FGF7: variants seen among roughly 807,000 people sequenced by gnomAD.
The protein encoded by FGF7 is fibroblast growth factor 7.
Under a neutral mutation model 20.5 loss-of-function variants are expected in FGF7, and 6 were observed. The observed-to-expected ratio is 0.29, with a 90% CI of 0.16 to 0.58. The LOEUF is 0.58. Among genes scored for constraint, FGF7 ranks in the 20% least tolerant of loss-of-function variants. The probability of loss-of-function intolerance (pLI) is 0.90; values close to 1 mark genes in which losing one functional copy is unlikely to be tolerated. For missense variants in FGF7, 144 were observed against 228.8 expected (o/e 0.63, Z 2.39); for synonymous variants, 64 against 74.7 (o/e 0.86, Z 0.74).
At chr15:49,479,243 TTC>T (rs59700895) in intron 2 of FGF7, among the ~76,000 whole-genome samples, 1 of 151,628 alleles carries the variant, frequency 6.6e-6, no homozygotes, top group Non-Finnish European at 1.5e-5. Flanking sequence ...CATGAGCTGA[TTC>T]TCTCTCTCTT....
chr15:49,425,411 T>C (rs1597105816), intron 2 of FGF7: 1 of 152,028 alleles, frequency 6.6e-6, no homozygotes, highest in South Asian at 2.1e-4. Flanking sequence ...CCAACTTCAA[T>C]AGTATTAAAT....
intron 2 of FGF7, among the ~76,000 whole-genome samples, chr15:49,459,802 T>C (rs1369523521): frequency 6.6e-6 from 1 of 152,168 alleles, no homozygotes; most frequent in Non-Finnish European, 1.5e-5. Flanking sequence ...GGCTCCTGTG[T>C]GCATCTCTTT....
intron 2 of FGF7, among the ~76,000 whole-genome samples, chr15:49,478,093 C>T: frequency 6.6e-6 from 1 of 152,118 alleles, no homozygotes; most frequent in Non-Finnish European, 1.5e-5. Context: ...CAGTAGTCCC[C>T]AGTGTCAGTT....
intron 2 of FGF7, among the ~76,000 whole-genome samples, chr15:49,468,587 A>G (rs142000342): frequency 2.0e-5 from 3 of 152,182 alleles, no homozygotes; most frequent in Admixed American, 6.5e-5. Context: ...TTCAGGGTTC[A>G]TGGGAAAAGA....
rs189366807 is a variant in FGF7, at chr15:49,483,112, G to C, written c.287-39G>C. The C allele has an allele frequency of 4.0e-3, 4,508 of 1,140,942 alleles. 15 individuals carry two copies. The highest frequency in any genetic ancestry group is 5.3e-3 in the Non-Finnish European group (4,020 of 763,698). 70.7% of individuals were successfully genotyped at this position (1,140,942 alleles called of 1,614,324 possible). A position where few individuals can be genotyped will look rare whatever the true frequency, so the allele number is the denominator to read the frequency against. ...CCATTCGTGGATCATTTGCAAAACT[G>C]AACGAATATTTGACATGTCTTTCTG... is the stretch of plus-strand genomic sequence containing the variant. On this transcript the variant is annotated intron_variant, in intron 2 of 3. Coordinates refer to ENST00000267843, the MANE Select transcript of FGF7 (RefSeq NM_002009.4).
At chr15:49,444,684 A>G (rs1413931487) in intron 2 of FGF7, among the ~76,000 whole-genome samples, 1 of 151,688 alleles carries the variant, frequency 6.6e-6, no homozygotes, top group Non-Finnish European at 1.5e-5. Context: ...ACTGCAGACC[A>G]AGGACCCTTT....
At chr15:49,473,228 A>G (rs1359385807) in intron 2 of FGF7, among the ~76,000 whole-genome samples, 2 of 151,596 alleles carry the variant, frequency 1.3e-5, no homozygotes, top group South Asian at 2.1e-4. Context: ...AGTTTAGTTA[A>G]CTCATCCTTT....
intron 2 of FGF7, among the ~76,000 whole-genome samples, chr15:49,441,543 G>A (rs2051644035): frequency 6.6e-6 from 1 of 151,516 alleles, no homozygotes; most frequent in East Asian, 1.9e-4. Context: ...CAGACAAAGT[G>A]GGACACAAAG....
chr15:49,486,189 A>C lies in FGF7; in HGVS notation c.*1685A>C, dbSNP rs577432762. The C allele has an allele frequency of 3.9e-5, 6 of 152,206 alleles. No homozygotes were observed. The highest frequency in any genetic ancestry group is 1.4e-4 in the African/African-American group (6 of 41,570). 9.4% of individuals were successfully genotyped at this position (152,206 alleles called of 1,614,324 possible). On this transcript the variant is annotated 3_prime_UTR_variant, in exon 4 of 4. Transcript: ENST00000267843. Reference sequence around the variant, plus strand: ...CTTTACATAAATAGTATTTGGTAATACATTTATAGATGAGAGTTATATGAA... The same window carrying C: ...CTTTACATAAATAGTATTTGGTAATCCATTTATAGATGAGAGTTATATGAA...
chr15:49,487,683 G>A lies in FGF7; in HGVS notation c.*3179G>A, dbSNP rs532126054. The A allele has an allele frequency of 2.6e-4, 40 of 152,028 alleles. No individual in the cohort carries two copies. The highest frequency in any genetic ancestry group is 7.9e-4 in the Admixed American group (12 of 15,238). 9.4% of individuals were successfully genotyped at this position (152,028 alleles called of 1,614,324 possible). ...ATTTTCTACTGAAATTTCTCTAATA[G>A]TAGAGGTGTAAAATAAGAAGTTAGA... On this transcript the variant is annotated 3_prime_UTR_variant, in exon 4 of 4. Transcript: ENST00000267843.
intron 2 of FGF7, among the ~76,000 whole-genome samples, chr15:49,476,212 G>GTTTTTTTTTTTTTTTTTTT (rs1567351529): frequency 1.2e-5 from 1 of 81,254 alleles, no homozygotes; most frequent in Non-Finnish European, 3.3e-5. Context: ...TTATTTTGCT[G>GTTTTTTTTTTTTTTTTTTT]TTTTGTTTTT....
In FGF7 at chr15:49,476,232, G is replaced by GTTTTTTTTT; in HGVS notation, c.287-6914_287-6906dup. 6.3e-3 allele frequency among the ~76,000 whole-genome samples: 361 copies of GTTTTTTTTT among 57,070 alleles called. 19 individuals carry two copies. Among genetic ancestry groups the GTTTTTTTTT allele is most frequent in the Middle Eastern group, 9.8e-3 (1 of 102 alleles). The allele number at this position is 57,070 out of a possible 152,430, so 37.4% of individuals were successfully genotyped here. On this transcript the variant is annotated intron_variant, in intron 2 of 3. Coordinates refer to ENST00000267843, the MANE Select transcript of FGF7 (RefSeq NM_002009.4). ...TTGCTGTTTTGTTTTTTTGTTTTTG[G>GTTTTTTTTT]TTTTTTTTTTTTTGCATTTGGCATA...
chr15:49,448,024 A>T (rs2052383600), intron 2 of FGF7, among the ~76,000 whole-genome samples: 1 of 151,704 alleles, frequency 6.6e-6, no homozygotes, highest in Admixed American at 6.6e-5. Context: ...GTTTGAAATT[A>T]TTTTAATGTC....
At chr15:49,431,702 A>C (rs1470356309) in intron 2 of FGF7, among the ~76,000 whole-genome samples, 1 of 151,764 alleles carries the variant, frequency 6.6e-6, no homozygotes, top group Non-Finnish European at 1.5e-5. Flanking sequence ...CTTTGTGAAC[A>C]GGAGGAAAAA....
Position 49,487,139 on chromosome 15 carries a change from A to T in FGF7, c.*2635A>T, listed in dbSNP as rs1193243817. 1.3e-5 allele frequency: 2 copies of T among 151,928 alleles called. No individual in the cohort carries two copies. Among genetic ancestry groups the T allele is most frequent in the African/African-American group, 2.4e-5 (1 of 41,422 alleles). The allele number at this position is 151,928 out of a possible 1,614,324, so 9.4% of individuals were successfully genotyped here. A position where few individuals can be genotyped will look rare whatever the true frequency, so the allele number is the denominator to read the frequency against. ...TTGGCAATGCACTTCATACACAATGACTAATCTATACTGTGATGATTTGAC... is the reference window on the plus strand; with the variant it reads ...TTGGCAATGCACTTCATACACAATGTCTAATCTATACTGTGATGATTTGAC... On this transcript the variant is annotated 3_prime_UTR_variant, in exon 4 of 4. Coordinates refer to ENST00000267843, the MANE Select transcript of FGF7 (RefSeq NM_002009.4).
At chr15:49,471,196 A>G (rs2054709100) in intron 2 of FGF7, among the ~76,000 whole-genome samples, 1 of 152,106 alleles carries the variant, frequency 6.6e-6, no homozygotes, top group African/African-American at 2.4e-5. Flanking sequence ...AGAATATGGC[A>G]AATGTGAGGC....
At chr15:49,438,726 C>G (rs559569280) in intron 2 of FGF7, among the ~76,000 whole-genome samples, 2 of 151,528 alleles carry the variant, frequency 1.3e-5, no homozygotes, top group Non-Finnish European at 3.0e-5. Flanking sequence ...TCTCCTAGGC[C>G]TCAGTTTTTG....
intron 2 of FGF7, among the ~76,000 whole-genome samples, chr15:49,450,350 G>C (rs1327118729): frequency 6.6e-6 from 1 of 151,948 alleles, no homozygotes. Flanking sequence ...ACTGTCTAGA[G>C]TTCATTTCTC....
At chr15:49,477,924 T>C (rs1401386087) in intron 2 of FGF7, among the ~76,000 whole-genome samples, 15 of 152,248 alleles carry the variant, frequency 9.9e-5, no homozygotes, top group Admixed American at 2.6e-4. Context: ...CCTTTTTAAA[T>C]AATTTCAACT....
Sources: gnomAD v4.1 joint callset for allele counts (sites outside exome capture counted in the v4.1 genomes callset) on GRCh38, gnomAD v4.1.1 for gene constraint, MANE v1.5 for transcripts, NCBI Gene and HGNC (gene_info 2026-07-23, HGNC 2026-07-21) for gene names.